RPS6KA5: variants seen among roughly 807,000 people sequenced by gnomAD.
The protein encoded by RPS6KA5 is ribosomal protein S6 kinase A5, also known as ribosomal protein S6 kinase alpha-5.
Under a neutral mutation model 85.5 loss-of-function variants are expected in RPS6KA5, and 27 were observed. The ratio of observed to expected loss-of-function variants is 0.32; its 90% CI spans 0.23 to 0.44. The LOEUF (loss-of-function observed/expected upper bound fraction) is 0.44. Among genes scored for constraint, RPS6KA5 ranks in the 20% least tolerant of loss-of-function variants. The pLI is 1.00. For synonymous variants in RPS6KA5, 334 were observed against 348.2 expected, an observed-to-expected ratio of 0.96 and a Z score of 0.46; for missense variants, 811 against 980.9, an observed-to-expected ratio of 0.83 and a Z score of 2.31.
chr14:90,897,159 G>C (rs917510673), intron 12 of RPS6KA5, among the ~76,000 whole-genome samples: 1 of 152,156 alleles, frequency 6.6e-6, no homozygotes, highest in African/African-American at 2.4e-5. Context: ...GTTCACAATA[G>C]AGTTTGTACT....
rs1566778078 is a variant in RPS6KA5 at position 90,947,462 on chromosome 14, A to C, written c.483T>G (p.Ile161Met). The change falls in exon 4 of 17, where the codon ATT becomes ATG. Residue 161 changes from isoleucine to methionine, a missense_variant. By Grantham distance (10) the Ile-to-Met change is conservative. Transcript: ENST00000614987. Reference sequence around the variant, plus strand: ...TGTGGAGATGTTCGAGGGCAAGCACAATCTCTCCAACATAAATCTGCACCT... The same window carrying C: ...TGTGGAGATGTTCGAGGGCAAGCACCATCTCTCCAACATAAATCTGCACCT... ...EHEVQIYVGE[I>M]VLALEHLHKL... The C allele has an allele frequency of 6.2e-7, 1 of 1,610,844 alleles. No homozygotes were observed. Among genetic ancestry groups the C allele is most frequent in the Non-Finnish European group, 8.5e-7 (1 of 1,177,114 alleles).
chr14:90,958,010 C>A (rs546030526), intron 3 of RPS6KA5, among the ~76,000 whole-genome samples: 1 of 151,994 alleles, frequency 6.6e-6, no homozygotes, highest in African/African-American at 2.4e-5. Context: ...TAAAAATAGC[C>A]AGGCATGTAG....
At chr14:90,944,048 T>C (rs1427716123) in intron 4 of RPS6KA5, among the ~76,000 whole-genome samples, 1 of 152,134 alleles carries the variant, frequency 6.6e-6, no homozygotes, top group Non-Finnish European at 1.5e-5. Flanking sequence ...GCAAAGAAAA[T>C]CAATTAAGTA....
At chr14:91,005,588 AATATC>A (rs1357306272) in intron 1 of RPS6KA5, among the ~76,000 whole-genome samples, 2 of 152,202 alleles carry the variant, frequency 1.3e-5, no homozygotes, top group Non-Finnish European at 2.9e-5. Context: ...AGAAATGGTA[AATATC>A]ATATTATATA....
At chr14:91,034,927 A>G (rs985376960) in intron 1 of RPS6KA5, among the ~76,000 whole-genome samples, 1 of 151,690 alleles carries the variant, frequency 6.6e-6, no homozygotes, top group African/African-American at 2.4e-5. Context: ...ACAAAAAAGA[A>G]AAAAAAAACA....
chr14:90,946,763 T>C (rs2037890883), intron 4 of RPS6KA5, among the ~76,000 whole-genome samples: 1 of 152,218 alleles, frequency 6.6e-6, no homozygotes, highest in African/African-American at 2.4e-5. Context: ...TCTACAATGT[T>C]TCCTCATTAA....
rs752152274 is a variant in RPS6KA5 at position 91,060,384 on chromosome 14, G to A, written c.51C>T (p.Asp17=). 4.6e-6 allele frequency: 7 copies of A among 1,506,190 alleles called. No individual in the cohort carries two copies. Among genetic ancestry groups the A allele is most frequent in the Non-Finnish European group, 6.2e-6 (7 of 1,121,692 alleles). The allele number at this position is 1,506,190 out of a possible 1,614,324, so 93.3% of individuals were successfully genotyped here. Reference sequence around the variant, plus strand: ...GGAGCTGCTCTCCTCCGTCGCCGCCGTCCGCGCTGGTCCCCGCGGCGCCGC... The same window carrying A: ...GGAGCTGCTCTCCTCCGTCGCCGCCATCCGCGCTGGTCCCCGCGGCGCCGC... ...SSGGAAGTSA[D]GGDGGEQLLT... Residue 17 remains aspartate, a synonymous_variant, in exon 1 of 17, where the codon GAC becomes GAT. Coordinates refer to ENST00000614987, the MANE Select transcript of RPS6KA5 (RefSeq NM_004755.4).
chr14:91,001,217 TG>T (rs2040777906), intron 1 of RPS6KA5, 58 bp from the exon 2 acceptor site: 3 of 1,077,996 alleles, frequency 2.8e-6, no homozygotes, highest in South Asian at 1.4e-5. Flanking sequence ...AGGAGGCTCC[TG>T]GGGGATTCTT....
intron 4 of RPS6KA5, among the ~76,000 whole-genome samples, chr14:90,946,470 A>G (rs1310586688): frequency 1.3e-5 from 2 of 151,980 alleles, no homozygotes; most frequent in Non-Finnish European, 2.9e-5. Context: ...ACATCTTACC[A>G]TAATTTATTC....
chr14:90,976,204 A>G (rs560362672), intron 3 of RPS6KA5, among the ~76,000 whole-genome samples: 4,694 of 21,836 alleles, frequency 0.21, 226 homozygotes, highest in East Asian at 0.53. Flanking sequence ...AGAGAACAGA[A>G]AAAAAAAAAA....
At position 90,866,912 on chromosome 14, in the gene RPS6KA5, T is replaced by A. The variant is rs769926356; in HGVS notation, c.*5162A>T. The A allele has an allele frequency of 8.5e-5, 13 of 152,204 alleles. No individual in the cohort carries two copies. The highest frequency in any genetic ancestry group is 7.2e-5 in the African/African-American group (3 of 41,452). 9.4% of individuals were successfully genotyped at this position (152,204 alleles called of 1,614,324 possible). A position where few individuals can be genotyped will look rare whatever the true frequency, so the allele number is the denominator to read the frequency against. On this transcript the variant is annotated 3_prime_UTR_variant, in exon 17 of 17. Coordinates refer to ENST00000614987, the MANE Select transcript of RPS6KA5 (RefSeq NM_004755.4). ...TTGTACATTGCTAGTATTTATAATT[T>A]CAGCAAATAGGATAGCAGTATAGTA...
chr14:90,963,517 G>C (rs1455097262), intron 3 of RPS6KA5, among the ~76,000 whole-genome samples: 1 of 152,154 alleles, frequency 6.6e-6, no homozygotes. Context: ...CTCTATGTTA[G>C]TTGGCATTCT....
intron 4 of RPS6KA5, among the ~76,000 whole-genome samples, chr14:90,944,168 A>G (rs1177995188): frequency 6.6e-6 from 1 of 152,248 alleles, no homozygotes; most frequent in African/African-American, 2.4e-5. Context: ...AACTCATATA[A>G]GAGGTGCTTG....
At chr14:90,984,996 A>C (rs548375127) in intron 2 of RPS6KA5, among the ~76,000 whole-genome samples, 188 of 151,624 alleles carry the variant, frequency 1.2e-3, no homozygotes, top group Non-Finnish European at 2.0e-3. Flanking sequence ...GCTGGAGTGC[A>C]ATGGCACGAT....
chr14:91,023,108 G>A (rs927104408), intron 1 of RPS6KA5, among the ~76,000 whole-genome samples: 5 of 104,746 alleles, frequency 4.8e-5, no homozygotes, highest in Admixed American at 1.0e-4. Context: ...AAAAAGATTT[G>A]TGTACTACTC....
chr14:91,022,742 G>C (rs1213548900), intron 1 of RPS6KA5, among the ~76,000 whole-genome samples: 5 of 152,162 alleles, frequency 3.3e-5, no homozygotes, highest in African/African-American at 9.7e-5. Flanking sequence ...ATGTACTTAT[G>C]CTCTTGCATA....
chr14:91,042,364 T>C (rs531770028), intron 1 of RPS6KA5, among the ~76,000 whole-genome samples: 1 of 152,018 alleles, frequency 6.6e-6, no homozygotes, highest in Non-Finnish European at 1.5e-5. Flanking sequence ...AAAAAAAAAT[T>C]AGCTGGGCTT....
chr14:90,968,573 T>C (rs2039180334), intron 3 of RPS6KA5, among the ~76,000 whole-genome samples: 1 of 152,184 alleles, frequency 6.6e-6, no homozygotes, highest in Non-Finnish European at 1.5e-5. Context: ...GATAACACCA[T>C]AACTTAAAGC....
intron 1 of RPS6KA5, among the ~76,000 whole-genome samples, chr14:91,014,499 C>T (rs2041396883): frequency 7.1e-6 from 1 of 139,894 alleles, no homozygotes. Flanking sequence ...TAGACTCCAT[C>T]TCAAAAAAAA....
Sources: gnomAD v4.1 joint callset for allele counts (sites outside exome capture counted in the v4.1 genomes callset) on GRCh38, gnomAD v4.1.1 for gene constraint, MANE v1.5 for transcripts, NCBI Gene and HGNC (gene_info 2026-07-23, HGNC 2026-07-21) for gene names.